The following KIAA1328 variants were observed in gnomAD, a reference collection of about 807,000 sequenced individuals.
KIAA1328 encodes the protein KIAA1328.
A neutral mutation model predicts 68.1 loss-of-function variants in KIAA1328; 52 were observed. That is an observed-to-expected ratio of 0.76 (90% CI 0.61 to 0.96). KIAA1328 has a LOEUF of 0.96. Ranked by LOEUF, KIAA1328 falls within the 40% of genes least tolerant of loss-of-function variation. The probability of loss-of-function intolerance (pLI) is 0.00; values close to 1 mark genes in which losing one functional copy is unlikely to be tolerated. For synonymous variants in KIAA1328, 232 were observed against 239.4 expected, an observed-to-expected ratio of 0.97 and a Z score of 0.28; for missense variants, 641 against 677.6, an observed-to-expected ratio of 0.95 and a Z score of 0.60.
intron 9 of KIAA1328, among the ~76,000 whole-genome samples, chr18:37,207,138 G>T (rs749162497): frequency 3.2e-4 from 48 of 152,244 alleles, no homozygotes; most frequent in Non-Finnish European, 2.2e-4. Context: ...ATAGTTTCAG[G>T]TATCCTTTGT....
chr18:37,103,973 A>G (rs2057699224), intron 7 of KIAA1328, among the ~76,000 whole-genome samples: 1 of 152,182 alleles, frequency 6.6e-6, no homozygotes, highest in Admixed American at 6.6e-5. Flanking sequence ...GTGAAGTATC[A>G]TCTCACCCCA....
chr18:37,076,443 C>G (rs529022595), intron 7 of KIAA1328, among the ~76,000 whole-genome samples: 1 of 151,704 alleles, frequency 6.6e-6, no homozygotes, highest in African/African-American at 2.4e-5. Flanking sequence ...CAAGAGCAAA[C>G]ACATTCAAAA....
chr18:37,015,288 G>T (rs1187558812), intron 6 of KIAA1328, among the ~76,000 whole-genome samples: 1 of 152,108 alleles, frequency 6.6e-6, no homozygotes, highest in Non-Finnish European at 1.5e-5. Context: ...TTGTCAGTTT[G>T]TCAAAGATCA....
intron 6 of KIAA1328, among the ~76,000 whole-genome samples, chr18:37,001,241 T>C (rs528803439): frequency 6.6e-6 from 1 of 152,164 alleles, no homozygotes; most frequent in African/African-American, 2.4e-5. Flanking sequence ...CCAGTTTTAA[T>C]AACTATATGC....
At chr18:36,829,301 C>T (rs1208135202) in intron 1 of KIAA1328, 105 bp downstream of exon 1, 1 of 1,417,088 alleles carries the variant, frequency 7.1e-7, no homozygotes, top group Non-Finnish European at 9.2e-7. Context: ...TCCGAACTAA[C>T]CCCGGGGATG....
chr18:37,081,259 G>A (rs913608346), intron 7 of KIAA1328, among the ~76,000 whole-genome samples: 2 of 152,150 alleles, frequency 1.3e-5, no homozygotes, highest in Non-Finnish European at 2.9e-5. Context: ...CGGGATTACA[G>A]GCATGAGCCA....
chr18:37,168,939 G>A (rs1365348771), intron 8 of KIAA1328, among the ~76,000 whole-genome samples: 1 of 147,942 alleles, frequency 6.8e-6, no homozygotes, highest in Non-Finnish European at 1.5e-5. Context: ...CTTAAACATT[G>A]AACTCTAAGA....
At chr18:37,023,768 TTG>T (rs1568304377) in intron 6 of KIAA1328, among the ~76,000 whole-genome samples, 1 of 152,068 alleles carries the variant, frequency 6.6e-6, no homozygotes, top group Admixed American at 6.5e-5. Flanking sequence ...CCCATGACAG[TTG>T]AACATCATCT....
chr18:36,991,414 T>C (rs1288112008), intron 6 of KIAA1328, among the ~76,000 whole-genome samples: 1 of 152,222 alleles, frequency 6.6e-6, no homozygotes. Flanking sequence ...TTATGAATTC[T>C]GTTAACTAAC....
chr18:37,122,655 A>G (rs1157513687), intron 7 of KIAA1328, among the ~76,000 whole-genome samples: 1 of 145,834 alleles, frequency 6.9e-6, no homozygotes, highest in Non-Finnish European at 1.5e-5. Flanking sequence ...ACTATGTTGC[A>G]GTTGATGGGT....
chr18:37,014,087 CTGA>C, intron 6 of KIAA1328, among the ~76,000 whole-genome samples: 1 of 152,286 alleles, frequency 6.6e-6, no homozygotes, highest in Admixed American at 6.5e-5. Context: ...TTTCATTTCT[CTGA>C]TGATTAGTGA....
At chr18:37,029,356 T>C (rs1282428250) in intron 6 of KIAA1328, among the ~76,000 whole-genome samples, 1 of 152,056 alleles carries the variant, frequency 6.6e-6, no homozygotes, top group Non-Finnish European at 1.5e-5. Flanking sequence ...GGTGGCAATG[T>C]CTGCCTCGTC....
At chr18:37,150,715 TA>T (rs1387418196) in intron 7 of KIAA1328, among the ~76,000 whole-genome samples, 2 of 152,170 alleles carry the variant, frequency 1.3e-5, no homozygotes, top group East Asian at 1.9e-4. Context: ...ATTAACATAA[TA>T]AAAAATATTT....
intron 7 of KIAA1328, among the ~76,000 whole-genome samples, chr18:37,073,300 C>T (rs2056598422): frequency 6.6e-6 from 1 of 152,076 alleles, no homozygotes; most frequent in Non-Finnish European, 1.5e-5. Context: ...TTTACAAGGA[C>T]TTAAACAAAT....
At chr18:36,984,377 AT>A (rs2052821866) in intron 6 of KIAA1328, among the ~76,000 whole-genome samples, 1 of 152,212 alleles carries the variant, frequency 6.6e-6, no homozygotes, top group Non-Finnish European at 1.5e-5. Context: ...CTGCAAAAAA[AT>A]GTTACAAGAA....
intron 5 of KIAA1328, among the ~76,000 whole-genome samples, chr18:36,887,805 G>A (rs1474260385): frequency 6.6e-6 from 1 of 152,186 alleles, no homozygotes; most frequent in Non-Finnish European, 1.5e-5. Context: ...TCTTTGTATG[G>A]AGAGGAGGTG....
intron 6 of KIAA1328, among the ~76,000 whole-genome samples, chr18:37,044,916 ATCAGTATGGCAG>A: frequency 6.6e-6 from 1 of 152,270 alleles, no homozygotes; most frequent in South Asian, 2.1e-4. Flanking sequence ...TATATATACA[ATCAGTATGGCAG>A]TCCACCTTGA....
chr18:37,147,693 C>A (rs2058933185), intron 7 of KIAA1328, among the ~76,000 whole-genome samples: 1 of 152,092 alleles, frequency 6.6e-6, no homozygotes, highest in African/African-American at 2.4e-5. Flanking sequence ...GCCTTCTTCT[C>A]GTATGTGGGC....
intron 7 of KIAA1328, among the ~76,000 whole-genome samples, chr18:37,089,574 C>T (rs974740387): frequency 3.9e-5 from 6 of 151,908 alleles, no homozygotes; most frequent in Admixed American, 3.3e-4. Flanking sequence ...AGTGTTTCAC[C>T]GTGTTGGTCA....
Sources: allele counts gnomAD v4.1 joint callset (sites outside exome capture counted in the v4.1 genomes callset), GRCh38; gene constraint gnomAD v4.1.1; transcripts MANE v1.5; gene names NCBI Gene and HGNC (gene_info 2026-07-23, HGNC 2026-07-21).